The following ZC3HC1 variants were observed in gnomAD, a reference collection of about 807,000 sequenced individuals.
ZC3HC1 encodes the protein zinc finger C3HC-type protein 1.
In ZC3HC1, 38 loss-of-function variants were observed where a neutral mutation model predicts 61.9. The observed-to-expected ratio is 0.61, with a 90% CI of 0.47 to 0.81. The LOEUF is 0.81. Among genes scored for constraint, ZC3HC1 ranks in the 30% least tolerant of loss-of-function variants. The pLI is 0.00. For missense variants in ZC3HC1, 554 were observed against 622.7 expected (o/e 0.89, Z 1.17); for synonymous variants, 213 against 229.9 (o/e 0.93, Z 0.67).
At chr7:130,033,200 T>C (rs1282224317) in intron 4 of ZC3HC1, among the ~76,000 whole-genome samples, 1 of 152,030 alleles carries the variant, frequency 6.6e-6, no homozygotes, top group African/African-American at 2.4e-5. Flanking sequence ...GCCCAGCTAA[T>C]TTTTTGTATT....
intron 5 of ZC3HC1, chr7:130,027,495 A>C (rs1306833146): frequency 1.3e-5 from 2 of 152,286 alleles, no homozygotes; most frequent in Non-Finnish European, 2.9e-5. Context: ...GTAAATATTC[A>C]GTTTCAAAGT....
At chr7:130,045,962 T>G (rs1269208932) in intron 2 of ZC3HC1, among the ~76,000 whole-genome samples, 3 of 149,672 alleles carry the variant, frequency 2.0e-5, no homozygotes, top group Non-Finnish European at 4.4e-5. Context: ...TCTTTGATAC[T>G]ATGCAGCCAT....
At chr7:130,034,564 A>G (rs948368871) in intron 4 of ZC3HC1, among the ~76,000 whole-genome samples, 2 of 150,664 alleles carry the variant, frequency 1.3e-5, no homozygotes, top group Non-Finnish European at 2.9e-5. Flanking sequence ...ACATGATTAT[A>G]GCTCACTATA....
chr7:130,026,982 A>AG (rs1178821263), intron 5 of ZC3HC1: 1 of 151,116 alleles, frequency 6.6e-6, no homozygotes, highest in Non-Finnish European at 1.5e-5. Flanking sequence ...AAAAAAAAAA[A>AG]AAAAAAAATT....
intron 2 of ZC3HC1, among the ~76,000 whole-genome samples, 159 bp from the exon 3 acceptor site, chr7:130,041,260 T>C (rs1794660060): frequency 6.6e-6 from 1 of 151,896 alleles, no homozygotes; most frequent in Non-Finnish European, 1.5e-5. Flanking sequence ...CGATCTAAGC[T>C]CACTACAACC....
intron 9 of ZC3HC1, among the ~76,000 whole-genome samples, chr7:130,020,663 C>T (rs1187583972): frequency 6.6e-6 from 1 of 151,638 alleles, no homozygotes; most frequent in South Asian, 2.1e-4. Flanking sequence ...TTAAGACACA[C>T]TACCGAAAAA....
chr7:130,047,001 C>A (rs1043721033), intron 2 of ZC3HC1, among the ~76,000 whole-genome samples: 1 of 151,970 alleles, frequency 6.6e-6, no homozygotes. Flanking sequence ...TCATTCCTGT[C>A]GCCCAGGCTG....
In ZC3HC1 at chr7:130,024,424, T is replaced by A. The variant is rs1793794557; in HGVS notation, c.859A>T (p.Ile287Phe). 1 of 1,614,122 alleles carries A rather than the reference T, an allele frequency of 6.2e-7. No homozygotes were observed. Among genetic ancestry groups the A allele is most frequent in the Non-Finnish European group, 8.5e-7 (1 of 1,180,024 alleles). The part of the protein sequence containing the change: ...RKVGLWGFQQ[I>F]ESSMTDLDAS... ...TCCAGGTCAGTCATGGACGATTCAATCTGCTGGAAGCCCCAGAGCCCCACC... is the reference window on the plus strand; with the variant it reads ...TCCAGGTCAGTCATGGACGATTCAAACTGCTGGAAGCCCCAGAGCCCCACC... The change falls in exon 7 of 10, where the codon ATT becomes TTT. Residue 287 changes from isoleucine to phenylalanine, a missense_variant. By Grantham distance (21) the Ile-to-Phe change is conservative. Coordinates refer to ENST00000358303, the MANE Select transcript of ZC3HC1 (RefSeq NM_016478.5).
At position 130,018,666 on chromosome 7, in the gene ZC3HC1, AGCATGAGCACAG is replaced by A. The variant is rs1326816169; in HGVS notation, c.1495_1506del (p.Leu499_Cys502del). The stretch of plus-strand genomic sequence containing the variant: ...TCCAGGAAGGCGCTGGAGTATCTTC[AGCATGAGCACAG>A]AGATTCCCACTGCCGAAATATTCGG... On this transcript the variant is annotated inframe_deletion, in exon 10 of 10. Transcript: ENST00000358303. 6.2e-7 allele frequency: 1 copy of A among 1,609,138 alleles called. No homozygotes were observed. Among genetic ancestry groups the A allele is most frequent in the Non-Finnish European group, 8.5e-7 (1 of 1,176,244 alleles).
At position 130,045,199 on chromosome 7, in the gene ZC3HC1, C is replaced by T. The variant is rs1490222556; in HGVS notation, c.258+3834G>A. ...TAGGAAATATTTGGGAGTAGTAAGACATCACTTTGGTGGCTTACTTTCAAA... is the reference window on the plus strand; with the variant it reads ...TAGGAAATATTTGGGAGTAGTAAGATATCACTTTGGTGGCTTACTTTCAAA... On this transcript the variant is annotated intron_variant, in intron 2 of 9. Coordinates refer to ENST00000358303, the MANE Select transcript of ZC3HC1 (RefSeq NM_016478.5). 3 of 177,294 alleles carry T rather than the reference C, an allele frequency of 1.7e-5. No homozygotes were observed. The East Asian group carries it at 4.4e-4, about 26-fold the overall frequency. 11.0% of individuals were successfully genotyped at this position (177,294 alleles called of 1,614,324 possible).
At chr7:130,034,983 T>C (rs183289619) in intron 4 of ZC3HC1, among the ~76,000 whole-genome samples, 1 of 152,300 alleles carries the variant, frequency 6.6e-6, no homozygotes, top group East Asian at 1.9e-4. Flanking sequence ...TAGTCTTCTC[T>C]TCTATTCTCC....
In ZC3HC1 at chr7:130,028,943, G is replaced by A. The variant is rs1186352400; in HGVS notation, c.580C>T (p.Leu194Phe). The part of the protein sequence containing the change: ...DRFQSLCHLD[L>F]QLPSLRPEDL... ...TCCGGCCTTAGGGAAGGAAGCTGGA[G>A]GTCCAAGTGACAAAGGCTTTGAAAA... The change falls in exon 5 of 10, where the codon CTC (leucine) becomes TTC (phenylalanine). Residue 194 changes from leucine (L) to phenylalanine (F), a missense_variant. By Grantham distance (22) the Leu-to-Phe change is conservative (BLOSUM62 0). Coordinates refer to ENST00000358303, the MANE Select transcript of ZC3HC1 (RefSeq NM_016478.5). The A allele has an allele frequency of 6.8e-6, 11 of 1,613,674 alleles. No individual in the cohort carries two copies. Among genetic ancestry groups the A allele is most frequent in the South Asian group, 1.1e-5 (1 of 91,068 alleles).
intron 2 of ZC3HC1, among the ~76,000 whole-genome samples, chr7:130,041,865 A>G (rs1157227940): frequency 1.3e-5 from 2 of 152,186 alleles, no homozygotes; most frequent in Admixed American, 6.6e-5. Context: ...AACATTAAGG[A>G]GAAAGGCAAT....
In ZC3HC1 at chr7:130,018,622, C is replaced by T; in HGVS notation, c.*42G>A. On this transcript the variant is annotated 3_prime_UTR_variant, in exon 10 of 10. Coordinates refer to ENST00000358303, the MANE Select transcript of ZC3HC1 (RefSeq NM_016478.5). ...ACTCAGCCTTAATTTTTCAAAAAGT[C>T]ACTCTCATTCCAGCTATCTCCAGGA... 1 of 1,550,476 alleles carries T rather than the reference C, an allele frequency of 6.4e-7. No homozygotes were observed. Among genetic ancestry groups the T allele is most frequent in the Non-Finnish European group, 8.8e-7 (1 of 1,133,934 alleles).
intron 3 of ZC3HC1, among the ~76,000 whole-genome samples, chr7:130,039,781 G>A (rs1794573566): frequency 6.6e-6 from 1 of 151,928 alleles, no homozygotes; most frequent in African/African-American, 2.4e-5. Flanking sequence ...TTGAGACAGA[G>A]TCTTGCTCTG....
rs758072493 is a variant in ZC3HC1 at position 130,040,933 on chromosome 7, T to C, written c.409+18A>G. On this transcript the variant is annotated intron_variant, in intron 3 of 9. Transcript: ENST00000358303. ...TATTTGAGTGTGGAGAAAAATGTAA[T>C]TTGTACCTTATACTTACATCTGTCA... The C allele has an allele frequency of 1.9e-6, 3 of 1,598,906 alleles. No individual in the cohort carries two copies. Among genetic ancestry groups the C allele is most frequent in the South Asian group, 2.3e-5 (2 of 88,124 alleles).
intron 5 of ZC3HC1, among the ~76,000 whole-genome samples, chr7:130,027,588 C>T (rs530173048): frequency 3.3e-5 from 5 of 152,104 alleles, no homozygotes; most frequent in African/African-American, 1.2e-4. Flanking sequence ...GGTGCGATCT[C>T]GGCTCACTGC....
chr7:130,029,522 A>T (rs1251816083), intron 4 of ZC3HC1, among the ~76,000 whole-genome samples: 1 of 152,204 alleles, frequency 6.6e-6, no homozygotes, highest in Non-Finnish European at 1.5e-5. Flanking sequence ...GACCATGTTT[A>T]AAAAGTAGAA....
chr7:130,042,615 G>A (rs1794722982), intron 2 of ZC3HC1, among the ~76,000 whole-genome samples: 1 of 152,196 alleles, frequency 6.6e-6, no homozygotes. Flanking sequence ...GCATCTGTAA[G>A]TATGTATTTG....
Sources: allele counts gnomAD v4.1 joint callset (sites outside exome capture counted in the v4.1 genomes callset), GRCh38; gene constraint gnomAD v4.1.1; transcripts MANE v1.5; gene names NCBI Gene and HGNC (gene_info 2026-07-23, HGNC 2026-07-21).